SLCO5A1: variants seen among roughly 807,000 people sequenced by gnomAD.
SLCO5A1 encodes the protein solute carrier organic anion transporter family member 5A1.
Under a neutral mutation model 65.1 loss-of-function variants are expected in SLCO5A1, and 39 were observed. The observed-to-expected ratio is 0.60, with a 90% CI of 0.46 to 0.78. SLCO5A1 has a LOEUF of 0.78. Ranked by LOEUF, SLCO5A1 falls within the 30% of genes least tolerant of loss-of-function variation. The pLI, the probability that SLCO5A1 is intolerant of heterozygous loss-of-function variation, is 0.00. For synonymous variants in SLCO5A1, 438 were observed against 415.7 expected, an observed-to-expected ratio of 1.05 and a Z score of -0.65; for missense variants, 1,029 against 1,069.4, an observed-to-expected ratio of 0.96 and a Z score of 0.53.
chr8:69,672,948 C>A lies in SLCO5A1; in HGVS notation c.2468G>T (p.Gly823Val). ...GIQCAAQTYP[G>V]PFPEAISSSA... is the part of the protein sequence containing the mutation. ...GGAACTTATTGCTTCTGGGAAGGGC[C>A]CCGGGTAGGTCTGTGCTGCGCACTG... The change falls in exon 10 of 10, where the codon GGG (glycine) becomes GTG (valine). Residue 823 changes from glycine (G) to valine (V), a missense_variant. Coordinates refer to ENST00000260126, the MANE Select transcript of SLCO5A1 (RefSeq NM_030958.3). 6.2e-7 allele frequency: 1 copy of A among 1,614,204 alleles called. No homozygotes were observed. The highest frequency in any genetic ancestry group is 8.5e-7 in the Non-Finnish European group (1 of 1,180,046).
At position 69,832,585 on chromosome 8, in the gene SLCO5A1, G is replaced by A. The variant is rs765120222; in HGVS notation, c.89C>T (p.Pro30Leu). 9.3e-6 allele frequency: 15 copies of A among 1,612,858 alleles called. No homozygotes were observed. The highest frequency in any genetic ancestry group is 1.3e-5 in the Non-Finnish European group (15 of 1,179,780). ...TAEAVQERCE[P>L]ETLRSKSLPV... ...TAAACTCTTAGACCTGAGGGTCTCC[G>A]GCTCGCACCTCTCTTGGACAGCTTC... The change falls in exon 2 of 10, where the codon CCG becomes CTG. Residue 30 changes from proline (P) to leucine (L), a missense_variant. By Grantham distance (98) the Pro-to-Leu change is moderately conservative. This residue lies in a region of SLCO5A1 where 647 missense variants were observed against 647.5 expected (regional missense o/e 1.00). Transcript: ENST00000260126. The surrounding 1 kb of genome is among the most constrained non-coding windows in gnomAD (Gnocchi z 4.5).
chr8:69,784,811 A>AAAGAAAGAAAG (rs1554620799), intron 2 of SLCO5A1, among the ~76,000 whole-genome samples: 1 of 70,930 alleles, frequency 1.4e-5, no homozygotes. Flanking sequence ...GAAAGAAAGA[A>AAAGAAAGAAAG]AAAGAAAGAA....
At chr8:69,795,549 C>A (rs1165365868) in intron 2 of SLCO5A1, among the ~76,000 whole-genome samples, 1 of 152,228 alleles carries the variant, frequency 6.6e-6, no homozygotes, top group Non-Finnish European at 1.5e-5. Flanking sequence ...AGGCCTTGGG[C>A]AGCTCTGCCC....
At chr8:69,795,972 C>A (rs1462902153) in intron 2 of SLCO5A1, among the ~76,000 whole-genome samples, 1 of 152,204 alleles carries the variant, frequency 6.6e-6, no homozygotes, top group Non-Finnish European at 1.5e-5. Context: ...CCAAACTGTA[C>A]CTGGGACTCT....
intron 4 of SLCO5A1, among the ~76,000 whole-genome samples, chr8:69,744,216 A>T (rs1438306221): frequency 6.6e-6 from 1 of 152,190 alleles, no homozygotes; most frequent in African/African-American, 2.4e-5. Context: ...CAACAAAGGG[A>T]TTGACCAAGC....
intron 2 of SLCO5A1, among the ~76,000 whole-genome samples, chr8:69,789,027 A>G (rs1374920033): frequency 6.6e-6 from 1 of 152,198 alleles, no homozygotes; most frequent in Non-Finnish European, 1.5e-5. Flanking sequence ...TCTCTGAAAT[A>G]TCCCCAAACA....
chr8:69,743,197 A>G (rs1338990015), intron 4 of SLCO5A1, among the ~76,000 whole-genome samples: 1 of 152,086 alleles, frequency 6.6e-6, no homozygotes. Context: ...CTCCAAACCT[A>G]CTGATCACAG....
At chr8:69,826,444 A>G (rs1337411522) in intron 2 of SLCO5A1, among the ~76,000 whole-genome samples, 3 of 152,060 alleles carry the variant, frequency 2.0e-5, no homozygotes, top group Non-Finnish European at 4.4e-5. Context: ...GAAAAAAACA[A>G]ACAACCCCAT....
chr8:69,698,395 T>G (rs902724392), intron 6 of SLCO5A1, among the ~76,000 whole-genome samples: 1 of 152,242 alleles, frequency 6.6e-6, no homozygotes, highest in Non-Finnish European at 1.5e-5. Flanking sequence ...CTGGGTTGAA[T>G]GGTAATTCTG....
At chr8:69,717,626 C>T (rs1815614850) in intron 5 of SLCO5A1, among the ~76,000 whole-genome samples, 1 of 152,146 alleles carries the variant, frequency 6.6e-6, no homozygotes, top group Non-Finnish European at 1.5e-5. Context: ...CCAATTTTTG[C>T]AAAGAAGCCA....
At chr8:69,692,505 TACTTTATAC>T (rs1270342259) in intron 6 of SLCO5A1, among the ~76,000 whole-genome samples, 19 of 152,278 alleles carry the variant, frequency 1.2e-4, no homozygotes, top group Admixed American at 1.2e-3. Flanking sequence ...ATAATTTTTT[TACTTTATAC>T]ACTTTGTAAT....
chr8:69,831,915 C>T lies in SLCO5A1; in HGVS notation c.759G>A (p.Lys253=), dbSNP rs765398208. The change falls in exon 2 of 10, where the codon AAG becomes AAA. Residue 253 remains lysine (K), a synonymous_variant. Transcript: ENST00000260126. The part of the protein sequence containing the change: ...TATLEPPACP[K]DSGGNNHWVY... ...CCCAGTGATTATTTCCTCCCGAGTC[C>T]TTCGGACAGGCCGGAGGCTCCAAAG... is the stretch of plus-strand genomic sequence containing the variant. The T allele has an allele frequency of 6.2e-7, 1 of 1,608,558 alleles. No homozygotes were observed. Among genetic ancestry groups the T allele is most frequent in the Admixed American group, 1.7e-5 (1 of 58,648 alleles).
At chr8:69,737,808 T>C (rs1816621215) in intron 5 of SLCO5A1, among the ~76,000 whole-genome samples, 1 of 152,174 alleles carries the variant, frequency 6.6e-6, no homozygotes, top group Non-Finnish European at 1.5e-5. Flanking sequence ...AATATAAATA[T>C]GCAAAATTCT....
chr8:69,723,447 G>C (rs898863508), intron 5 of SLCO5A1, among the ~76,000 whole-genome samples: 2 of 151,414 alleles, frequency 1.3e-5, no homozygotes, highest in East Asian at 3.9e-4. Flanking sequence ...GTAGAGATGA[G>C]GTCTCACTAT....
rs759029133 is a variant in SLCO5A1 at position 69,832,439 on chromosome 8, A to G, written c.235T>C (p.Leu79=). ...GACGGGGCAGAGGGACTGGGGGCCA[A>G]CGGGTTCGGGCCTTGCTTCAACTCC... ...HQELKQGPNP[L]APSPSAPSTS... is the part of the protein sequence containing the mutation. The change falls in exon 2 of 10, where the codon TTG becomes CTG. Residue 79 remains leucine (L), a synonymous_variant. Transcript: ENST00000260126. The surrounding 1 kb of genome is among the most constrained non-coding windows in gnomAD (Gnocchi z 4.5). 61 of 1,612,922 alleles carry G rather than the reference A, an allele frequency of 3.8e-5. No homozygotes were observed. In the Middle Eastern group the frequency reaches 1.8e-3, roughly 48 times the overall value.
chr8:69,669,504 CAT>C lies in SLCO5A1; in HGVS notation c.*3363_*3364del, dbSNP rs1288600419. On this transcript the variant is annotated 3_prime_UTR_variant, in exon 10 of 10. Coordinates refer to ENST00000260126, the MANE Select transcript of SLCO5A1 (RefSeq NM_030958.3). ...ATTTTACTTCTCTGAGTCTTGGTTT[CAT>C]ATGTTTTTTAAAAAAATAATAAAAT... 9 of 152,054 alleles carry C rather than the reference CAT, an allele frequency of 5.9e-5. No individual in the cohort carries two copies. The highest frequency in any genetic ancestry group is 2.2e-4 in the African/African-American group (9 of 41,400). 9.4% of individuals were successfully genotyped at this position (152,054 alleles called of 1,614,324 possible).
At chr8:69,744,603 T>C (rs1816944993) in intron 4 of SLCO5A1, among the ~76,000 whole-genome samples, 1 of 152,216 alleles carries the variant, frequency 6.6e-6, no homozygotes, top group Non-Finnish European at 1.5e-5. Flanking sequence ...ATAAAAGCTA[T>C]GACTGCAGGA....
intron 3 of SLCO5A1, among the ~76,000 whole-genome samples, chr8:69,758,293 C>T (rs146631386): frequency 1.2e-3 from 180 of 152,098 alleles, no homozygotes; most frequent in African/African-American, 4.1e-3. Context: ...CTCAAGTGAT[C>T]CTCCCACCTC....
intron 2 of SLCO5A1, chr8:69,794,489 G>A: frequency 2.4e-6 from 1 of 408,868 alleles, no homozygotes; most frequent in South Asian, 2.1e-5. Flanking sequence ...ATCATGGTTT[G>A]GTTCAGGTTC....
Sources: gnomAD v4.1 joint callset for allele counts (sites outside exome capture counted in the v4.1 genomes callset) on GRCh38, gnomAD v4.1.1 for gene constraint, gnomAD v4.1.1 regional missense constraint, Gnocchi (gnomAD v3.1) non-coding constraint, MANE v1.5 for transcripts, NCBI Gene and HGNC (gene_info 2026-07-23, HGNC 2026-07-21) for gene names.